Variants in LRRC9 observed in about 807,000 individuals in gnomAD.
LRRC9 encodes leucine-rich repeat-containing protein 9.
Under a neutral mutation model 63.2 loss-of-function variants are expected in LRRC9, and 122 were observed. That is an observed-to-expected ratio of 1.93 (90% confidence interval 1.67 to 2.24). The LOEUF is 2.24. Among genes scored for constraint, LRRC9 ranks in the 30% most tolerant of loss-of-function variants. The pLI, the probability that LRRC9 is intolerant of heterozygous loss-of-function variation, is 0.00. For missense variants in LRRC9, 1,071 were observed against 627.7 expected (o/e 1.71, Z -7.55); for synonymous variants, 366 against 213.1 (o/e 1.72, Z -6.25).
At chr14:59,949,377 T>A (rs1345034625) in intron 8 of LRRC9, among the ~76,000 whole-genome samples, 1 of 150,886 alleles carries the variant, frequency 6.6e-6, no homozygotes, top group Admixed American at 6.6e-5. Flanking sequence ...TTTTTTATTG[T>A]GTCTATTTGA....
intron 28 of LRRC9, among the ~76,000 whole-genome samples, chr14:60,029,791 A>G (rs1891849090): frequency 6.6e-6 from 1 of 152,152 alleles, no homozygotes; most frequent in Non-Finnish European, 1.5e-5. Flanking sequence ...CATATCATTG[A>G]ATGAAGAAGT....
intron 1 of LRRC9, among the ~76,000 whole-genome samples, chr14:59,924,704 A>G (rs8003744): frequency 0.17 from 25,857 of 152,052 alleles, 2,998 homozygotes; most frequent in African/African-American, 0.32. Context: ...AAATCCTCAT[A>G]TAGCTTTTCA....
chr14:59,973,792 G>A (rs879831640), intron 12 of LRRC9, among the ~76,000 whole-genome samples: 1 of 151,980 alleles, frequency 6.6e-6, no homozygotes, highest in Non-Finnish European at 1.5e-5. Flanking sequence ...TTGGATTGCA[G>A]ATTTCAATTA....
intron 17 of LRRC9, among the ~76,000 whole-genome samples, chr14:59,997,247 G>C (rs1888894363): frequency 6.6e-6 from 1 of 151,934 alleles, no homozygotes; most frequent in Non-Finnish European, 1.5e-5. Context: ...AAAATTATTA[G>C]TATTAAGTTA....
intron 1 of LRRC9, among the ~76,000 whole-genome samples, chr14:59,921,381 A>C (rs1888761903): frequency 6.6e-6 from 1 of 152,162 alleles, no homozygotes; most frequent in South Asian, 2.1e-4. Context: ...GAGGGAAGAC[A>C]GACTACAGGG....
chr14:60,036,074 G>A (rs117388904), intron 29 of LRRC9, among the ~76,000 whole-genome samples: 3,335 of 152,166 alleles, frequency 0.022, 60 homozygotes, highest in South Asian at 0.05. Flanking sequence ...GGTGGGAAGG[G>A]TTGGATGTGA....
chr14:59,961,347 T>A (rs935684039), intron 10 of LRRC9, among the ~76,000 whole-genome samples: 13 of 152,130 alleles, frequency 8.5e-5, no homozygotes, highest in African/African-American at 2.9e-4. Flanking sequence ...GAAAAAAAAA[T>A]TTATAATCAA....
chr14:59,975,145 ATATATG>A lies in LRRC9; in HGVS notation c.1639+443_1639+448del, dbSNP rs1292057565. Among the ~76,000 whole-genome samples the A allele has an allele frequency of 2.4e-4, 4 of 16,772 alleles. 1 individual carries two copies. The East Asian group carries it at 4.9e-3, about 21-fold the overall frequency. The allele number at this position is 16,772 out of a possible 152,430, so 11.0% of individuals were successfully genotyped here. ...TATATATGTATATATATATACATAT[ATATATG>A]TATATATATATATGTATATATATAT... On this transcript the variant is annotated intron_variant, in intron 13 of 31. Transcript: ENST00000445360.
rs1273377106 is a variant in LRRC9, at chr14:60,060,462, CG to C, written c.4276+2443del. Among the ~76,000 whole-genome samples the C allele has an allele frequency of 6.6e-6, 1 of 152,024 alleles. No homozygotes were observed. Among genetic ancestry groups the C allele is most frequent in the Non-Finnish European group, 1.5e-5 (1 of 67,994 alleles). Reference sequence around the variant, plus strand: ...ACTACCATAGACAGTGATTCCTAACCGGGCGCGATGGCTCACGCTTGTAATC... The same window carrying C: ...ACTACCATAGACAGTGATTCCTAACCGGCGCGATGGCTCACGCTTGTAATC... On this transcript the variant is annotated intron_variant, in intron 31 of 31. Transcript: ENST00000445360. This position sits in a 1 kb window ranked among gnomAD's most constrained non-coding sequence, Gnocchi z 4.0.
At chr14:60,016,859 A>G (rs1422356003) in intron 24 of LRRC9, 69 bp downstream of exon 24, 3 of 569,362 alleles carry the variant, frequency 5.3e-6, no homozygotes, top group Non-Finnish European at 9.6e-6. Context: ...ATTTTTCTGA[A>G]GCTTACATTT....
chr14:59,967,314 T>A (rs551279021), intron 12 of LRRC9, 101 bp downstream of exon 12: 60 of 472,972 alleles, frequency 1.3e-4, no homozygotes, highest in African/African-American at 1.0e-3. Context: ...ATATTTATAG[T>A]AAATTTCTAC....
intron 29 of LRRC9, among the ~76,000 whole-genome samples, chr14:60,044,979 C>T (rs113949119): frequency 0.015 from 2,226 of 149,742 alleles, 31 homozygotes; most frequent in Non-Finnish European, 0.02. Flanking sequence ...GTGTTCAGTG[C>T]ATAGATATTT....
intron 17 of LRRC9, among the ~76,000 whole-genome samples, chr14:59,989,370 A>T (rs911009244): frequency 4.0e-5 from 6 of 150,522 alleles, no homozygotes; most frequent in East Asian, 2.0e-4. Flanking sequence ...CTTATCTTAA[A>T]TTTTTTTCAC....
At position 60,001,956 on chromosome 14, in the gene LRRC9, A is replaced by T; in HGVS notation, c.2530-10A>T. ...TTCCTTTTTTCACTGTATTTTTTAA[A>T]TTTTATTAGTTATCTCTCTTACGGC... On this transcript the variant is annotated splice_polypyrimidine_tract_variant and intron_variant, in intron 19 of 31. Coordinates refer to ENST00000445360, the Ensembl canonical transcript of LRRC9. 1 of 635,700 alleles carries T rather than the reference A, an allele frequency of 1.6e-6. No individual in the cohort carries two copies. Among genetic ancestry groups the T allele is most frequent in the Non-Finnish European group, 2.8e-6 (1 of 356,030 alleles). 39.4% of individuals were successfully genotyped at this position (635,700 alleles called of 1,614,324 possible). A position where few individuals can be genotyped will look rare whatever the true frequency, so the allele number is the denominator to read the frequency against.
intron 13 of LRRC9, among the ~76,000 whole-genome samples, chr14:59,975,034 CATATAT>C (rs369719892): frequency 2.5e-5 from 2 of 81,026 alleles, no homozygotes; most frequent in African/African-American, 9.4e-5. Context: ...TGTGTCACAG[CATATAT>C]ATATATATAT....
chr14:59,989,010 G>A (rs1050857818), intron 17 of LRRC9, among the ~76,000 whole-genome samples: 5 of 152,042 alleles, frequency 3.3e-5, no homozygotes, highest in Admixed American at 3.3e-4. Context: ...AAAGTCTGAT[G>A]AGAATGTATG....
intron 17 of LRRC9, among the ~76,000 whole-genome samples, chr14:59,987,635 C>A (rs1198804937): frequency 6.6e-6 from 1 of 151,742 alleles, no homozygotes; most frequent in Admixed American, 6.6e-5. Context: ...GCAAGTGGAT[C>A]CACAGATAGG....
At chr14:59,973,039 T>C (rs1044510912) in intron 12 of LRRC9, among the ~76,000 whole-genome samples, 4 of 152,154 alleles carry the variant, frequency 2.6e-5, no homozygotes, top group Admixed American at 6.6e-5. Flanking sequence ...AGATTCTTAG[T>C]AGAAATCTAG....
chr14:60,023,088 C>G, intron 27 of LRRC9, among the ~76,000 whole-genome samples: 2 of 151,634 alleles, frequency 1.3e-5, no homozygotes, highest in South Asian at 4.2e-4. Flanking sequence ...TATAGTATTA[C>G]ATCATAATTT....
Sources: gnomAD v4.1 joint callset for allele counts (sites outside exome capture counted in the v4.1 genomes callset) on GRCh38, gnomAD v4.1.1 for gene constraint, Gnocchi (gnomAD v3.1) non-coding constraint, MANE v1.5 for transcripts, NCBI Gene and HGNC (gene_info 2026-07-23, HGNC 2026-07-21) for gene names.